Variants in NUP133 observed in about 807,000 individuals in gnomAD.
NUP133 encodes the protein nuclear pore complex protein Nup133.
A neutral mutation model predicts 146.2 loss-of-function variants in NUP133; 66 were observed. The observed-to-expected ratio is 0.45, with a 90% confidence interval of 0.37 to 0.55. The LOEUF (loss-of-function observed/expected upper bound fraction) is 0.55. Ranked by LOEUF, NUP133 falls within the 20% of genes least tolerant of loss-of-function variation. NUP133 has a pLI of 0.00. For synonymous variants in NUP133, 521 were observed against 498.8 expected (o/e 1.04, Z -0.59); for missense variants, 1,277 against 1,374.8 (o/e 0.93, Z 1.12).
intron 7 of NUP133, 138 bp from the exon 8 acceptor site, chr1:229,495,703 TA>T: frequency 1.1e-6 from 1 of 882,876 alleles, no homozygotes; most frequent in African/African-American, 1.7e-5. Context: ...AAAAAATCGC[TA>T]AGCAAGTAAA....
In NUP133 at chr1:229,499,705, G is replaced by GT. The variant is rs757923786; in HGVS notation, c.626dup (p.Tyr209Ter). Residue 209 changes from tyrosine (Y) to a stop codon, truncating the protein, a stop_gained and frameshift_variant, in exon 5 of 26, where the codon TAC becomes TAAC. Transcript: ENST00000261396. LOFTEE classifies it high-confidence loss of function. Reference protein sequence around the residue: ...AFVDSGGDKTYSFLTAVQGGS... With the variant: ...AFVDSGGDKT ...ATACCTGCACTGCTGTTAGGAAACTGTAAGTCTTATCACCTCCCGAATCTA... is the reference window on the plus strand; with the variant it reads ...ATACCTGCACTGCTGTTAGGAAACTGTTAAGTCTTATCACCTCCCGAATCTA... 3 of 1,613,886 alleles carry GT rather than the reference G, an allele frequency of 1.9e-6. No individual in the cohort carries two copies. Among genetic ancestry groups the GT allele is most frequent in the East Asian group, 2.2e-5 (1 of 44,884 alleles).
chr1:229,445,228 G>A (rs941105829), intron 24 of NUP133, among the ~76,000 whole-genome samples: 1 of 152,014 alleles, frequency 6.6e-6, no homozygotes, highest in Non-Finnish European at 1.5e-5. Flanking sequence ...TGCAAGAGAC[G>A]CCAAGGAAAA....
intron 22 of NUP133, among the ~76,000 whole-genome samples, chr1:229,451,515 T>G (rs988326752): frequency 6.6e-6 from 1 of 152,240 alleles, no homozygotes; most frequent in Non-Finnish European, 1.5e-5. Context: ...TACAGCTGAC[T>G]GCATACTCAT....
At chr1:229,507,699 CATA>C (rs534088015) in intron 1 of NUP133, among the ~76,000 whole-genome samples, 723 of 152,304 alleles carry the variant, frequency 4.7e-3, no homozygotes, top group Non-Finnish European at 8.0e-3. Flanking sequence ...CGTGGCAATT[CATA>C]ATAACTCCTC....
chr1:229,451,975 G>C (rs939142729), intron 22 of NUP133, among the ~76,000 whole-genome samples: 1 of 152,140 alleles, frequency 6.6e-6, no homozygotes, highest in Non-Finnish European at 1.5e-5. Context: ...ACTAATAATG[G>C]CTAAAATGCT....
chr1:229,456,162 C>T (rs1660554605), intron 21 of NUP133, among the ~76,000 whole-genome samples: 2 of 152,196 alleles, frequency 1.3e-5, no homozygotes, highest in Non-Finnish European at 2.9e-5. Context: ...TAGTACATTG[C>T]TTCAGGAGTG....
chr1:229,494,613 C>T (rs1661606116), intron 8 of NUP133, among the ~76,000 whole-genome samples: 1 of 152,170 alleles, frequency 6.6e-6, no homozygotes, highest in Non-Finnish European at 1.5e-5. Flanking sequence ...TAAATAGTAA[C>T]ATGGGATAAT....
At chr1:229,459,919 CT>C (rs1262220457) in intron 20 of NUP133, among the ~76,000 whole-genome samples, 9 of 152,126 alleles carry the variant, frequency 5.9e-5, no homozygotes, top group African/African-American at 1.9e-4. Context: ...CTATTTTTAA[CT>C]TTTTCAGGAA....
intron 9 of NUP133, 150 bp from the exon 10 acceptor site, chr1:229,487,763 A>C (rs1227162700): frequency 1.7e-6 from 1 of 596,488 alleles, no homozygotes; most frequent in African/African-American, 1.9e-5. Context: ...GATGATTAAC[A>C]AAACATGACA....
At chr1:229,506,999 G>A (rs1473553594) in intron 1 of NUP133, among the ~76,000 whole-genome samples, 1 of 152,156 alleles carries the variant, frequency 6.6e-6, no homozygotes, top group African/African-American at 2.4e-5. Context: ...GGTAGTCTAT[G>A]TCTTATCACG....
chr1:229,503,361 T>C (rs1661854045), intron 2 of NUP133, among the ~76,000 whole-genome samples: 1 of 152,138 alleles, frequency 6.6e-6, no homozygotes, highest in Non-Finnish European at 1.5e-5. Flanking sequence ...TCATTAACTA[T>C]ATAAAACATT....
At chr1:229,446,144 T>C (rs1028787076) in intron 24 of NUP133, among the ~76,000 whole-genome samples, 2 of 152,176 alleles carry the variant, frequency 1.3e-5, no homozygotes, top group African/African-American at 2.4e-5. Context: ...CGGTGGCTCA[T>C]GTCTGTAATC....
rs550022843 is a variant in NUP133 at position 229,502,060 on chromosome 1, G to A, written c.344C>T (p.Ala115Val). The A allele has an allele frequency of 1.2e-5, 20 of 1,613,942 alleles. No individual in the cohort carries two copies. The highest frequency in any genetic ancestry group is 1.5e-5 in the Non-Finnish European group (18 of 1,179,940). Residue 115 changes from alanine (A) to valine (V), a missense_variant, in exon 3 of 26, where the codon GCT (alanine) becomes GTT (valine). This residue lies in a region of NUP133 where 319 missense variants were observed against 306.9 expected (regional missense o/e 1.04). Transcript: ENST00000261396. ...LTINIDEGGWACLVCKEKLII... is the reference protein window; with the variant it reads ...LTINIDEGGWVCLVCKEKLII... ...GAGCTTCTCTTTGCACACCAGACAA[G>A]CCCATCCACCTTCATCTATGTTAAT... is the stretch of plus-strand genomic sequence containing the variant.
intron 16 of NUP133, among the ~76,000 whole-genome samples, chr1:229,465,960 CT>C (rs1249940955): frequency 6.6e-6 from 1 of 150,398 alleles, no homozygotes. Flanking sequence ...TGCATGATTA[CT>C]TTTTGGTTCT....
intron 2 of NUP133, among the ~76,000 whole-genome samples, chr1:229,503,409 C>T (rs1200144187): frequency 6.6e-6 from 1 of 152,004 alleles, no homozygotes; most frequent in Non-Finnish European, 1.5e-5. Context: ...ACCAAAAGCA[C>T]ATAATTTTCA....
intron 19 of NUP133, among the ~76,000 whole-genome samples, chr1:229,463,014 T>G (rs922179316): frequency 4.6e-5 from 7 of 152,226 alleles, no homozygotes; most frequent in Non-Finnish European, 7.3e-5. Context: ...CTAAGTACTT[T>G]TATAATAACT....
intron 2 of NUP133, among the ~76,000 whole-genome samples, chr1:229,503,693 T>C (rs1032097256): frequency 6.6e-6 from 1 of 152,210 alleles, no homozygotes; most frequent in African/African-American, 2.4e-5. Context: ...AACTGAACTA[T>C]CTGCTCAGTA....
intron 15 of NUP133, among the ~76,000 whole-genome samples, chr1:229,468,932 TA>T (rs915640144): frequency 8.5e-5 from 13 of 152,080 alleles, no homozygotes; most frequent in African/African-American, 2.9e-4. Context: ...CCCAAATGCA[TA>T]AAAGCAAAGA....
At chr1:229,451,628 A>G (rs530570613) in intron 22 of NUP133, among the ~76,000 whole-genome samples, 11 of 152,242 alleles carry the variant, frequency 7.2e-5, no homozygotes, top group East Asian at 3.9e-4. Context: ...CCCAAAAACT[A>G]TAATTTCATT....
Sources: allele counts gnomAD v4.1 joint callset (sites outside exome capture counted in the v4.1 genomes callset), GRCh38; gene constraint gnomAD v4.1.1; regional missense constraint gnomAD v4.1.1; transcripts MANE v1.5; gene names NCBI Gene and HGNC (gene_info 2026-07-23, HGNC 2026-07-21).